CMTM4: variants seen among roughly 807,000 people sequenced by gnomAD.
CMTM4 encodes the protein CKLF-like MARVEL transmembrane domain-containing protein 4.
Under a neutral mutation model 19.0 loss-of-function variants are expected in CMTM4, and 8 were observed. The observed-to-expected ratio is 0.42, with a 90% CI of 0.25 to 0.76. The LOEUF is 0.76. CMTM4 is among the 30% of genes least tolerant of loss of function. The pLI is 0.27. For synonymous variants in CMTM4, 106 were observed against 121.1 expected (o/e 0.88, Z 0.82); for missense variants, 228 against 290.2 (o/e 0.79, Z 1.56).
chr16:66,626,769 CAAAGAAAAAAAA>C (rs1567405047), intron 2 of CMTM4, among the ~76,000 whole-genome samples: 13 of 132,368 alleles, frequency 9.8e-5, no homozygotes, highest in Admixed American at 9.1e-4. Context: ...GACTCCGTCT[CAAAGAAAAAAAA>C]AAAGAAAAAA....
rs563399205 is a variant in CMTM4, at chr16:66,622,921, T to C, written c.462+483A>G. Among the ~76,000 whole-genome samples the C allele has an allele frequency of 6.6e-6, 1 of 152,338 alleles. No individual in the cohort carries two copies. Among genetic ancestry groups the C allele is most frequent in the South Asian group, 2.1e-4 (1 of 4,826 alleles). The stretch of plus-strand genomic sequence containing the variant: ...ACTGTTCCTCATAAACTGAGAACAA[T>C]ACAGAAATGCAGGGCATGGAGAGGG... On this transcript the variant is annotated intron_variant, in intron 3 of 3. Coordinates refer to ENST00000394106, the MANE Select transcript of CMTM4 (RefSeq NM_181521.3). The surrounding 1 kb of genome is among the most constrained non-coding windows in gnomAD (Gnocchi z 4.0).
intron 1 of CMTM4, among the ~76,000 whole-genome samples, chr16:66,670,901 T>C (rs902382618): frequency 5.3e-5 from 8 of 152,132 alleles, no homozygotes; most frequent in Non-Finnish European, 1.0e-4. Context: ...TTTACAAGTA[T>C]GCGCATGGGA....
rs905454519 is a variant in CMTM4 at position 66,686,745 on chromosome 16, AT to A, written c.186+9594del. Among the ~76,000 whole-genome samples, 135 of 149,758 alleles carry A rather than the reference AT, an allele frequency of 9.0e-4. 1 individual carries two copies. Among genetic ancestry groups the A allele is most frequent in the East Asian group, 7.0e-3 (36 of 5,130 alleles). ...GGGAGGAAATGTCAACCAAGTCTGT[AT>A]TTTTTTTTTAAATGTTCAGAAATGT... is the stretch of plus-strand genomic sequence containing the variant. On this transcript the variant is annotated intron_variant, in intron 1 of 3. Coordinates refer to ENST00000394106, the MANE Select transcript of CMTM4 (RefSeq NM_181521.3).
the CMTM4 span, among the ~76,000 whole-genome samples, chr16:66,600,307 C>G: frequency 1.3e-5 from 2 of 151,936 alleles, no homozygotes; most frequent in African/African-American, 4.8e-5. Flanking sequence ...CCACACCCGG[C>G]TAATTTTTTG....
rs1466640394 is a variant in CMTM4 at position 66,620,068 on chromosome 16, G to A, written c.*1990C>T. On this transcript the variant is annotated 3_prime_UTR_variant, in exon 4 of 4. Transcript: ENST00000394106. ...CTTGGGCAACAAGCCCACCTGAATGGTGTTCTTGTTTTCAATCTCACTTCA... is the reference window on the plus strand; with the variant it reads ...CTTGGGCAACAAGCCCACCTGAATGATGTTCTTGTTTTCAATCTCACTTCA... 1.0e-6 allele frequency: 1 copy of A among 985,298 alleles called. No individual in the cohort carries two copies. Among genetic ancestry groups the A allele is most frequent in the African/African-American group, 1.7e-5 (1 of 57,234 alleles). 61.0% of individuals were successfully genotyped at this position (985,298 alleles called of 1,614,324 possible). A position where few individuals can be genotyped will look rare whatever the true frequency, so the allele number is the denominator to read the frequency against.
At chr16:66,607,893 G>GGAGTGCAGTGGCCTGATCACAGCT in the CMTM4 span, among the ~76,000 whole-genome samples, 1 of 151,668 alleles carries the variant, frequency 6.6e-6, no homozygotes, top group East Asian at 1.9e-4. Flanking sequence ...CACCCAGGAT[G>GGAGTGCAGTGGCCTGATCACAGCT]GAGTGCAGTG....
intron 2 of CMTM4, among the ~76,000 whole-genome samples, chr16:66,625,437 AAAAAAAAAAAAAG>A (rs1309317775): frequency 2.0e-5 from 3 of 150,488 alleles, no homozygotes; most frequent in East Asian, 3.9e-4. Context: ...TCTGTCTCAA[AAAAAAAAAAAAAG>A]AAAAAGAAAA....
At chr16:66,640,505 C>T (rs1191151333) in intron 1 of CMTM4, among the ~76,000 whole-genome samples, 2 of 151,998 alleles carry the variant, frequency 1.3e-5, no homozygotes, top group Non-Finnish European at 2.9e-5. Context: ...ACCCAAAGAG[C>T]GCTTGGGTGC....
At chr16:66,623,902 A>G (rs2015686736) in intron 2 of CMTM4, among the ~76,000 whole-genome samples, 1 of 152,176 alleles carries the variant, frequency 6.6e-6, no homozygotes, top group Non-Finnish European at 1.5e-5. Flanking sequence ...CTGCACTCAC[A>G]TGTGACATTC....
At chr16:66,669,744 C>T (rs1476550922) in intron 1 of CMTM4, among the ~76,000 whole-genome samples, 1 of 152,070 alleles carries the variant, frequency 6.6e-6, no homozygotes, top group East Asian at 1.9e-4. Flanking sequence ...TGGGGTTTCA[C>T]TGTGTTAGCC....
intron 2 of CMTM4, among the ~76,000 whole-genome samples, chr16:66,633,655 T>C (rs1486168750): frequency 1.3e-5 from 2 of 151,772 alleles, no homozygotes; most frequent in African/African-American, 4.8e-5. Flanking sequence ...TCGTCTCTAT[T>C]AAAAATACAA....
intron 1 of CMTM4, among the ~76,000 whole-genome samples, chr16:66,687,748 C>T (rs2017062935): frequency 7.2e-6 from 1 of 138,444 alleles, no homozygotes; most frequent in African/African-American, 2.8e-5. Context: ...AGTGCAGTGG[C>T]GCAATCTTGG....
intron 2 of CMTM4, among the ~76,000 whole-genome samples, chr16:66,626,725 G>A (rs540840816): frequency 6.6e-6 from 1 of 150,890 alleles, no homozygotes; most frequent in East Asian, 2.0e-4. Flanking sequence ...AGCCCAGATT[G>A]CGCCACTGCA....
In CMTM4 at chr16:66,626,675, C is replaced by G. The variant is rs181686701; in HGVS notation, c.364-3173G>C. Among the ~76,000 whole-genome samples the G allele has an allele frequency of 3.8e-3, 575 of 150,310 alleles. 4 individuals are homozygous for G. Among genetic ancestry groups the G allele is most frequent in the African/African-American group, 0.012 (493 of 40,868 alleles). ...GTCCCAGCTACTCGGGAGGCTGAGG[C>G]AGAAGAACTGCGTGAATCCAGGAGG... is the stretch of plus-strand genomic sequence containing the variant. On this transcript the variant is annotated intron_variant, in intron 2 of 3. Transcript: ENST00000394106.
intron 1 of CMTM4, among the ~76,000 whole-genome samples, chr16:66,690,277 G>A (rs1037036077): frequency 2.6e-5 from 4 of 152,158 alleles, no homozygotes; most frequent in South Asian, 2.1e-4. Flanking sequence ...TAAACAAAAC[G>A]CAGAACCCTT....
intron 1 of CMTM4, among the ~76,000 whole-genome samples, chr16:66,639,379 G>T (rs781508734): frequency 6.2e-4 from 94 of 152,200 alleles, no homozygotes; most frequent in Non-Finnish European, 1.2e-3. Context: ...TGGCTTCACG[G>T]ATATGCAAAT....
chr16:66,656,794 G>A (rs1373939678), intron 1 of CMTM4, among the ~76,000 whole-genome samples: 1 of 152,004 alleles, frequency 6.6e-6, no homozygotes, highest in African/African-American at 2.4e-5. Context: ...CCCTTCTGTG[G>A]TGTTCCCGAC....
chr16:66,682,361 C>T (rs1332372699), intron 1 of CMTM4, among the ~76,000 whole-genome samples: 1 of 151,898 alleles, frequency 6.6e-6, no homozygotes, highest in African/African-American at 2.4e-5. Context: ...CCTGGAAGAG[C>T]CATTGTTTCT....
rs761658170 is a variant in CMTM4 at position 66,636,617 on chromosome 16, T to C, written c.187-36A>G. The C allele has an allele frequency of 5.8e-6, 9 of 1,555,294 alleles. No individual in the cohort carries two copies. The South Asian group carries it at 8.9e-5, about 15-fold the overall frequency. ...AATTGGAAACATATATGTACGTATA[T>C]GTTTAGTATACATCTGCGGACATAC... On this transcript the variant is annotated intron_variant, in intron 1 of 3. Coordinates refer to ENST00000394106, the MANE Select transcript of CMTM4 (RefSeq NM_181521.3).
Sources: allele counts gnomAD v4.1 joint callset (sites outside exome capture counted in the v4.1 genomes callset), GRCh38; gene constraint gnomAD v4.1.1; non-coding constraint Gnocchi (gnomAD v3.1); transcripts MANE v1.5; gene names NCBI Gene and HGNC (gene_info 2026-07-23, HGNC 2026-07-21).